The following COG5 variants were observed in gnomAD, a reference collection of about 807,000 sequenced individuals.
COG5 encodes component of oligomeric golgi complex 5, also known as conserved oligomeric Golgi complex subunit 5.
COG5 carries 86 observed loss-of-function variants against 110.4 expected under a neutral mutation model. That is an observed-to-expected ratio of 0.78 (90% CI 0.65 to 0.93). The LOEUF (loss-of-function observed/expected upper bound fraction) is 0.93. Among genes scored for constraint, COG5 ranks in the 40% least tolerant of loss-of-function variants. The pLI, the probability that COG5 is intolerant of heterozygous loss-of-function variation, is 0.00. For synonymous variants in COG5, 360 were observed against 334.6 expected, an observed-to-expected ratio of 1.08 and a Z score of -0.83; for missense variants, 1,077 against 987.0, an observed-to-expected ratio of 1.09 and a Z score of -1.22.
intron 1 of COG5, 109 bp downstream of exon 1, chr7:107,563,694 C>T (rs1176750409): frequency 1.5e-6 from 2 of 1,311,726 alleles, no homozygotes; most frequent in Admixed American, 3.5e-5. Context: ...TGGTCACGTC[C>T]AGACTGGAAA....
At chr7:107,246,898 T>G (rs577427281) in intron 17 of COG5, among the ~76,000 whole-genome samples, 1 of 152,322 alleles carries the variant, frequency 6.6e-6, no homozygotes, top group South Asian at 2.1e-4. Flanking sequence ...TAAATCATTC[T>G]ACCATAAAAA....
chr7:107,470,638 A>G (rs1796579959), intron 6 of COG5, among the ~76,000 whole-genome samples: 1 of 152,124 alleles, frequency 6.6e-6, no homozygotes, highest in African/African-American at 2.4e-5. Context: ...GCATTGTTAA[A>G]TACAAATATT....
chr7:107,387,429 C>T (rs1790292417), intron 7 of COG5, among the ~76,000 whole-genome samples: 1 of 152,248 alleles, frequency 6.6e-6, no homozygotes, highest in South Asian at 2.1e-4. Flanking sequence ...CTCAGCTCTC[C>T]AGCTCCGCAG....
intron 3 of COG5, among the ~76,000 whole-genome samples, chr7:107,550,881 C>T (rs1802834961): frequency 6.8e-6 from 1 of 146,940 alleles, no homozygotes; most frequent in Admixed American, 6.6e-5. Context: ...CTGTTTTCTA[C>T]TTGTACTTTG....
At chr7:107,383,542 C>T (rs907089881) in intron 7 of COG5, among the ~76,000 whole-genome samples, 1 of 152,130 alleles carries the variant, frequency 6.6e-6, no homozygotes, top group Admixed American at 6.5e-5. Flanking sequence ...TCTCTAGGCC[C>T]CCCTACCTCA....
At chr7:107,419,079 C>G (rs936262665) in intron 6 of COG5, among the ~76,000 whole-genome samples, 3 of 152,128 alleles carry the variant, frequency 2.0e-5, no homozygotes, top group African/African-American at 7.2e-5. Context: ...TGAAACATGT[C>G]TTTGAAGAAA....
At position 107,243,818 on chromosome 7, in the gene COG5, ACT is replaced by A. The variant is rs1412323073; in HGVS notation, c.1853+4576_1853+4577del. Among the ~76,000 whole-genome samples the A allele has an allele frequency of 2.2e-4, 33 of 152,182 alleles. No homozygotes were observed. In the East Asian group the frequency reaches 6.4e-3, roughly 29 times the overall value. ...AAAGAACATCAATCATACCAAACAC[ACT>A]CTCAGACCACAATACAATAAAAACA... On this transcript the variant is annotated intron_variant, in intron 17 of 21. Coordinates refer to ENST00000297135, the MANE Select transcript of COG5 (RefSeq NM_006348.5).
chr7:107,337,214 T>C (rs1173435456), intron 10 of COG5, among the ~76,000 whole-genome samples: 1 of 152,112 alleles, frequency 6.6e-6, no homozygotes, highest in Non-Finnish European at 1.5e-5. Flanking sequence ...GGTAAATTAG[T>C]GTAGCCACTA....
intron 10 of COG5, among the ~76,000 whole-genome samples, chr7:107,361,521 T>A (rs543135045): frequency 6.6e-6 from 1 of 152,342 alleles, no homozygotes; most frequent in South Asian, 2.1e-4. Flanking sequence ...ATACTATTGC[T>A]GGCAGCTACT....
rs564428407 is a variant in COG5, at chr7:107,419,217, G to A, written c.539-6585C>T. ...AAAGTCGTGGTATTTGCACAGAAAC[G>A]CAAATGGCTTATAGAGAACAGAGAA... is the stretch of plus-strand genomic sequence containing the variant. On this transcript the variant is annotated intron_variant, in intron 6 of 21. Coordinates refer to ENST00000297135, the MANE Select transcript of COG5 (RefSeq NM_006348.5). 2.6e-5 allele frequency among the ~76,000 whole-genome samples: 4 copies of A among 152,148 alleles called. No homozygotes were observed. The South Asian group carries it at 6.2e-4, about 24-fold the overall frequency.
chr7:107,542,788 G>A (rs770879587), intron 5 of COG5, among the ~76,000 whole-genome samples: 12 of 152,014 alleles, frequency 7.9e-5, no homozygotes, highest in Non-Finnish European at 1.6e-4. Context: ...TGGCCAACAT[G>A]GTGAACTCTG....
chr7:107,480,361 G>C (rs1797264361), intron 6 of COG5, among the ~76,000 whole-genome samples: 1 of 152,050 alleles, frequency 6.6e-6, no homozygotes, highest in Non-Finnish European at 1.5e-5. Context: ...TATTTTCTTT[G>C]TATCTCAGAT....
chr7:107,465,938 G>C (rs1338829262), intron 6 of COG5, among the ~76,000 whole-genome samples: 1 of 151,982 alleles, frequency 6.6e-6, no homozygotes, highest in Admixed American at 6.6e-5. Flanking sequence ...ACAAAACAGG[G>C]GACTTGACAC....
intron 10 of COG5, among the ~76,000 whole-genome samples, chr7:107,340,991 C>A (rs1437714867): frequency 6.6e-6 from 1 of 152,156 alleles, no homozygotes; most frequent in African/African-American, 2.4e-5. Flanking sequence ...CCCACTCTCA[C>A]AACTCCTATT....
At chr7:107,477,417 G>A (rs76191026) in intron 6 of COG5, among the ~76,000 whole-genome samples, 1,892 of 151,628 alleles carry the variant, frequency 0.012, 49 homozygotes, top group African/African-American at 0.042. Context: ...AAAGAACTCA[G>A]TATAAAAAAG....
intron 11 of COG5, among the ~76,000 whole-genome samples, chr7:107,301,956 A>G (rs932881442): frequency 6.6e-6 from 1 of 152,198 alleles, no homozygotes; most frequent in East Asian, 1.9e-4. Flanking sequence ...TTGTATACTT[A>G]TTTTGCAAAA....
In COG5 at chr7:107,285,839, T is replaced by G. The variant is rs550065301; in HGVS notation, c.1314-2107A>C. ...AAGATCATGCCACTGCACTCCAGCC[T>G]GGGCGACACAGCAAGACTCTGTCAA... On this transcript the variant is annotated intron_variant, in intron 12 of 21. Coordinates refer to ENST00000297135, the MANE Select transcript of COG5 (RefSeq NM_006348.5). 6.1e-5 allele frequency among the ~76,000 whole-genome samples: 9 copies of G among 147,620 alleles called. No individual in the cohort carries two copies. The East Asian group carries it at 1.8e-3, about 29-fold the overall frequency.
At chr7:107,429,990 A>G (rs189231047) in intron 6 of COG5, among the ~76,000 whole-genome samples, 6 of 152,270 alleles carry the variant, frequency 3.9e-5, no homozygotes, top group Non-Finnish European at 8.8e-5. Context: ...GGTCCTTTAT[A>G]TATTTTGTAT....
chr7:107,349,485 G>A (rs1257817540), intron 10 of COG5, among the ~76,000 whole-genome samples: 2 of 151,796 alleles, frequency 1.3e-5, no homozygotes, highest in East Asian at 2.0e-4. Context: ...TGCAACCTCC[G>A]CTTCCCAGGT....
Sources: allele counts gnomAD v4.1 joint callset (sites outside exome capture counted in the v4.1 genomes callset), GRCh38; gene constraint gnomAD v4.1.1; transcripts MANE v1.5; gene names NCBI Gene and HGNC (gene_info 2026-07-23, HGNC 2026-07-21).